Variants in MAP2K1 observed in about 807,000 individuals in gnomAD.
The protein encoded by MAP2K1 is mitogen-activated protein kinase kinase 1.
MAP2K1 carries 16 observed loss-of-function variants against 46.3 expected under a neutral mutation model. The ratio of observed to expected loss-of-function variants is 0.35; its 90% CI spans 0.23 to 0.52. The LOEUF (loss-of-function observed/expected upper bound fraction) is 0.52. Among genes scored for constraint, MAP2K1 ranks in the 20% least tolerant of loss-of-function variants. The pLI is 0.94. For synonymous variants in MAP2K1, 183 were observed against 185.6 expected (o/e 0.99, Z 0.11); for missense variants, 263 against 497.1 (o/e 0.53, Z 4.48).
intron 3 of MAP2K1, among the ~76,000 whole-genome samples, chr15:66,438,833 A>G (rs1595862934): frequency 6.6e-6 from 1 of 151,994 alleles, no homozygotes; most frequent in Non-Finnish European, 1.5e-5. Flanking sequence ...CAGGATGGGG[A>G]AGACCTGGTC....
chr15:66,424,768 C>T (rs1229571748), intron 1 of MAP2K1, among the ~76,000 whole-genome samples: 2 of 142,154 alleles, frequency 1.4e-5, no homozygotes, highest in Non-Finnish European at 3.1e-5. Flanking sequence ...GGGAGGTTCT[C>T]ATTGTCTTGA....
chr15:66,398,727 A>G (rs555109712), intron 1 of MAP2K1, among the ~76,000 whole-genome samples: 1 of 151,900 alleles, frequency 6.6e-6, no homozygotes, highest in African/African-American at 2.4e-5. Context: ...TATAAAATGC[A>G]TTGTTGAGAC....
chr15:66,408,261 G>C (rs995896021), intron 1 of MAP2K1, among the ~76,000 whole-genome samples: 1 of 152,174 alleles, frequency 6.6e-6, no homozygotes, highest in Non-Finnish European at 1.5e-5. Flanking sequence ...TTACAGTGAC[G>C]GGGCTCTTCA....
chr15:66,387,951 C>T (rs901755048), intron 1 of MAP2K1, among the ~76,000 whole-genome samples: 3 of 152,304 alleles, frequency 2.0e-5, no homozygotes, highest in Admixed American at 2.0e-4. Flanking sequence ...GCTGGAAGTC[C>T]GTGTGGACTT....
In MAP2K1 at chr15:66,487,378, C is replaced by T. The variant is rs1358029042; in HGVS notation, c.960+86C>T. On this transcript the variant is annotated intron_variant, in intron 8 of 10. Transcript: ENST00000307102. The stretch of plus-strand genomic sequence containing the variant: ...AGGTGGCCGGGTGCAGTGGTTCACG[C>T]CTGTAATCCCAGCAGTTTGGGAGGC... 4 of 1,256,732 alleles carry T rather than the reference C, an allele frequency of 3.2e-6. No homozygotes were observed. In the Admixed American group the frequency reaches 6.7e-5, roughly 21 times the overall value. 77.8% of individuals were successfully genotyped at this position (1,256,732 alleles called of 1,614,324 possible).
At chr15:66,424,183 G>T (rs955237837) in intron 1 of MAP2K1, among the ~76,000 whole-genome samples, 1 of 151,650 alleles carries the variant, frequency 6.6e-6, no homozygotes, top group African/African-American at 2.4e-5. Flanking sequence ...TCAGCCTCCT[G>T]AGTAGCTGAG....
chr15:66,406,452 G>A (rs747520336), intron 1 of MAP2K1, among the ~76,000 whole-genome samples: 1 of 152,218 alleles, frequency 6.6e-6, no homozygotes, highest in Non-Finnish European at 1.5e-5. Flanking sequence ...GGATGGGCAA[G>A]TGGGAGCAAA....
intron 3 of MAP2K1, among the ~76,000 whole-genome samples, chr15:66,437,397 A>G (rs1193683510): frequency 1.3e-5 from 2 of 152,220 alleles, no homozygotes; most frequent in Non-Finnish European, 1.5e-5. Flanking sequence ...TTAGCTGCCA[A>G]TCATTTTACC....
chr15:66,446,655 C>CA, intron 5 of MAP2K1: 1 of 396,724 alleles, frequency 2.5e-6, no homozygotes, highest in South Asian at 2.1e-5. Flanking sequence ...ATCTCTTGCC[C>CA]AAATAGAATT....
At chr15:66,489,186 ATT>A (rs1567027415) in intron 8 of MAP2K1, 27 bp from the exon 9 acceptor site, 1 of 1,598,212 alleles carries the variant, frequency 6.3e-7, no homozygotes, top group South Asian at 1.1e-5. Flanking sequence ...GGAGCCAGGC[ATT>A]TTTCTTATCT....
At chr15:66,446,971 G>A (rs1423695328) in intron 5 of MAP2K1, among the ~76,000 whole-genome samples, 3 of 152,172 alleles carry the variant, frequency 2.0e-5, no homozygotes, top group African/African-American at 7.2e-5. Context: ...TTTTAAAGAA[G>A]ATGAAGCCAG....
chr15:66,427,787 T>C (rs575038921), intron 1 of MAP2K1, among the ~76,000 whole-genome samples: 9 of 151,794 alleles, frequency 5.9e-5, no homozygotes, highest in African/African-American at 2.2e-4. Context: ...ACGCTGAGCC[T>C]GGCGGATCCC....
intron 1 of MAP2K1, among the ~76,000 whole-genome samples, chr15:66,395,549 T>G (rs180889384): frequency 6.6e-6 from 1 of 150,598 alleles, no homozygotes. Flanking sequence ...TTGTCTGAAA[T>G]GCCCTCCTCC....
At chr15:66,452,785 C>A (rs1469287961) in intron 5 of MAP2K1, among the ~76,000 whole-genome samples, 1 of 152,188 alleles carries the variant, frequency 6.6e-6, no homozygotes, top group Non-Finnish European at 1.5e-5. Flanking sequence ...AATTGCCTTC[C>A]CCGTTTCTTT....
chr15:66,394,318 G>A (rs993564941), intron 1 of MAP2K1, among the ~76,000 whole-genome samples: 10 of 144,564 alleles, frequency 6.9e-5, no homozygotes, highest in Admixed American at 4.1e-4. Flanking sequence ...CATAGCATCA[G>A]CAGTTCTGCC....
chr15:66,390,136 G>GT (rs2093353290), intron 1 of MAP2K1, among the ~76,000 whole-genome samples: 1 of 152,090 alleles, frequency 6.6e-6, no homozygotes, highest in African/African-American at 2.4e-5. Context: ...CCCTAGTTTG[G>GT]TTTTTTGTAC....
At chr15:66,456,001 C>G (rs1892157234) in intron 5 of MAP2K1, among the ~76,000 whole-genome samples, 1 of 152,160 alleles carries the variant, frequency 6.6e-6, no homozygotes, top group Non-Finnish European at 1.5e-5. Flanking sequence ...TTAAGTTTCT[C>G]TAAAATCTCT....
At chr15:66,488,200 C>T (rs1893113810) in intron 8 of MAP2K1, among the ~76,000 whole-genome samples, 1 of 152,198 alleles carries the variant, frequency 6.6e-6, no homozygotes, top group South Asian at 2.1e-4. Flanking sequence ...CCTCTGGAGG[C>T]CAAGCTGCTG....
At chr15:66,387,554 TC>T in intron 1 of MAP2K1, 127 bp downstream of exon 1, 1 of 921,394 alleles carries the variant, frequency 1.1e-6, no homozygotes, top group South Asian at 1.5e-5. Flanking sequence ...GGCGAGAAAC[TC>T]CCGGCCGCCG....
Sources: allele counts gnomAD v4.1 joint callset (sites outside exome capture counted in the v4.1 genomes callset), GRCh38; gene constraint gnomAD v4.1.1; transcripts MANE v1.5; gene names NCBI Gene and HGNC (gene_info 2026-07-23, HGNC 2026-07-21).